The following EHBP1 variants were observed in gnomAD, a reference collection of about 807,000 sequenced individuals.
EHBP1 encodes the protein EH domain-binding protein 1.
In EHBP1, 55 loss-of-function variants were observed where a neutral mutation model predicts 144.0. That is an observed-to-expected ratio of 0.38 (90% CI 0.31 to 0.48). EHBP1 has a LOEUF of 0.48. EHBP1 is among the 20% of genes least tolerant of loss of function. The pLI is 0.98. For missense variants in EHBP1, 1,200 were observed against 1,364.2 expected, an observed-to-expected ratio of 0.88 and a Z score of 1.90; for synonymous variants, 469 against 472.7, an observed-to-expected ratio of 0.99 and a Z score of 0.10.
At chr2:62,991,384 G>A (rs1048992670) in intron 16 of EHBP1, among the ~76,000 whole-genome samples, 1 of 151,978 alleles carries the variant, frequency 6.6e-6, no homozygotes, top group African/African-American at 2.4e-5. Context: ...TAAAAATAGA[G>A]GCAATATGGA....
At chr2:63,006,772 T>A (rs1459672620) in intron 19 of EHBP1, among the ~76,000 whole-genome samples, 1 of 151,764 alleles carries the variant, frequency 6.6e-6, no homozygotes, top group Non-Finnish European at 1.5e-5. Flanking sequence ...TAATAAGACT[T>A]TTGAAAGAGT....
At chr2:62,727,273 T>G (rs2036911302) in intron 2 of EHBP1, among the ~76,000 whole-genome samples, 1 of 152,160 alleles carries the variant, frequency 6.6e-6, no homozygotes, top group Non-Finnish European at 1.5e-5. Context: ...TTTGTTATTC[T>G]GGATTTCTTC....
intron 19 of EHBP1, among the ~76,000 whole-genome samples, chr2:63,032,340 G>T (rs532158252): frequency 6.6e-6 from 1 of 151,602 alleles, no homozygotes; most frequent in African/African-American, 2.4e-5. Context: ...AGGCGCAGGC[G>T]GGTGGATCAT....
At chr2:62,979,138 A>G in intron 14 of EHBP1, 50 bp from the exon 15 acceptor site, 1 of 1,560,318 alleles carries the variant, frequency 6.4e-7, no homozygotes, top group South Asian at 1.2e-5. Flanking sequence ...TTGAAAATGA[A>G]ATTGCATTTC....
chr2:62,938,241 G>A (rs977202521), intron 10 of EHBP1, among the ~76,000 whole-genome samples: 2 of 152,220 alleles, frequency 1.3e-5, no homozygotes, highest in African/African-American at 2.4e-5. Flanking sequence ...GTCAACTTGA[G>A]ATAGTTTGAA....
intron 10 of EHBP1, among the ~76,000 whole-genome samples, chr2:62,942,161 A>G (rs533556442): frequency 6.6e-6 from 1 of 152,222 alleles, no homozygotes; most frequent in East Asian, 1.9e-4. Flanking sequence ...AATAACTCTA[A>G]AACTGTTTTG....
At chr2:62,936,354 T>A (rs1164009185) in intron 10 of EHBP1, among the ~76,000 whole-genome samples, 2 of 152,208 alleles carry the variant, frequency 1.3e-5, no homozygotes, top group African/African-American at 4.8e-5. Context: ...GGAATTTGCT[T>A]CTCTCTTTCT....
chr2:62,873,438 C>T (rs758068384), intron 9 of EHBP1, among the ~76,000 whole-genome samples: 10 of 151,444 alleles, frequency 6.6e-5, no homozygotes, highest in African/African-American at 9.7e-5. Flanking sequence ...GAATATAGCA[C>T]AAGAAGAATA....
chr2:62,907,637 C>T (rs1263797934), intron 10 of EHBP1, among the ~76,000 whole-genome samples: 1 of 152,178 alleles, frequency 6.6e-6, no homozygotes, highest in Non-Finnish European at 1.5e-5. Flanking sequence ...AGGAGTCTAG[C>T]CTCATGACCT....
chr2:62,876,197 T>C (rs1292843211), intron 10 of EHBP1, among the ~76,000 whole-genome samples: 1 of 151,998 alleles, frequency 6.6e-6, no homozygotes, highest in East Asian at 1.9e-4. Context: ...TTCTCCCAGA[T>C]CAAAGTGAAA....
intron 1 of EHBP1, among the ~76,000 whole-genome samples, chr2:62,694,054 G>A (rs770948922): frequency 2.4e-4 from 36 of 152,184 alleles, no homozygotes; most frequent in African/African-American, 8.7e-4. Context: ...TATAGTTTTA[G>A]CTGTTAACAT....
Position 62,996,788 on chromosome 2 carries a change from TA to T in EHBP1, c.3103+25del, listed in dbSNP as rs765260188. ...ACAGGTACGGTGCCCAATTACACTG[TA>T]AACAGTTTTGGCAAATTGAGCGTTC... On this transcript the variant is annotated intron_variant, in intron 19 of 22. Transcript: ENST00000431489. 3.7e-6 allele frequency: 6 copies of T among 1,604,610 alleles called. No individual in the cohort carries two copies. In the African/African-American group the frequency reaches 6.8e-5, roughly 18 times the overall value.
intron 14 of EHBP1, among the ~76,000 whole-genome samples, chr2:62,974,504 A>G (rs1406782208): frequency 7.2e-5 from 11 of 152,154 alleles, no homozygotes; most frequent in Non-Finnish European, 1.5e-4. Flanking sequence ...CTTTCTATGC[A>G]TATGTTTTCT....
intron 19 of EHBP1, among the ~76,000 whole-genome samples, chr2:63,001,110 C>A (rs1021134278): frequency 6.6e-5 from 10 of 152,096 alleles, no homozygotes; most frequent in African/African-American, 2.4e-4. Context: ...TTTCCATTCC[C>A]AATCTGTTTT....
chr2:62,728,070 C>T (rs2037013977), intron 2 of EHBP1, among the ~76,000 whole-genome samples: 1 of 152,064 alleles, frequency 6.6e-6, no homozygotes, highest in Non-Finnish European at 1.5e-5. Flanking sequence ...TATTGGACAC[C>T]CTAGTAGTCT....
intron 10 of EHBP1, among the ~76,000 whole-genome samples, chr2:62,876,221 A>G (rs1401230077): frequency 6.6e-6 from 1 of 152,180 alleles, no homozygotes; most frequent in African/African-American, 2.4e-5. Flanking sequence ...AAAATAGTAA[A>G]GGCAGAGAGA....
At chr2:62,934,453 A>T (rs1286437798) in intron 10 of EHBP1, among the ~76,000 whole-genome samples, 1 of 152,160 alleles carries the variant, frequency 6.6e-6, no homozygotes, top group African/African-American at 2.4e-5. Context: ...TATTCTTTGT[A>T]ATTCTAGCTA....
At chr2:62,851,446 TA>T (rs1052970076) in intron 7 of EHBP1, among the ~76,000 whole-genome samples, 2 of 152,198 alleles carry the variant, frequency 1.3e-5, no homozygotes, top group Non-Finnish European at 2.9e-5. Flanking sequence ...CAAATGTAGA[TA>T]AAAATCCAGA....
intron 13 of EHBP1, among the ~76,000 whole-genome samples, chr2:62,951,846 T>C (rs909072153): frequency 6.6e-6 from 1 of 152,094 alleles, no homozygotes; most frequent in African/African-American, 2.4e-5. Flanking sequence ...GAAAACCAGA[T>C]TTTTAAGGCA....
Sources: allele counts gnomAD v4.1 joint callset (sites outside exome capture counted in the v4.1 genomes callset), GRCh38; gene constraint gnomAD v4.1.1; transcripts MANE v1.5; gene names NCBI Gene and HGNC (gene_info 2026-07-23, HGNC 2026-07-21).